RNF8: variants seen among roughly 807,000 people sequenced by gnomAD.
The protein encoded by RNF8 is ring finger protein 8.
In RNF8, 8 loss-of-function variants were observed where a neutral mutation model predicts 59.3. The observed-to-expected ratio is 0.13, with a 90% CI of 0.08 to 0.24. The LOEUF is 0.24. Ranked by LOEUF, RNF8 falls within the 10% of genes least tolerant of loss-of-function variation. The probability of loss-of-function intolerance (pLI) is 1.00; values close to 1 mark genes in which losing one functional copy is unlikely to be tolerated. For synonymous variants in RNF8, 162 were observed against 200.0 expected, an observed-to-expected ratio of 0.81 and a Z score of 1.60; for missense variants, 406 against 572.6, an observed-to-expected ratio of 0.71 and a Z score of 2.97.
chr6:37,381,369 G>A lies in RNF8; in HGVS notation c.1441+15G>A, dbSNP rs1302264486. Reference sequence around the variant, plus strand: ...GGAACGAAAAGGTGAGTGGGTGTGAGAATTCCTACCCCTCAAGAAAGGACT... The same window carrying A: ...GGAACGAAAAGGTGAGTGGGTGTGAAAATTCCTACCCCTCAAGAAAGGACT... On this transcript the variant is annotated intron_variant, in intron 7 of 7. Coordinates refer to ENST00000373479, the MANE Select transcript of RNF8 (RefSeq NM_003958.4). 6.2e-7 allele frequency: 1 copy of A among 1,607,478 alleles called. No individual in the cohort carries two copies. Among genetic ancestry groups the A allele is most frequent in the Non-Finnish European group, 8.5e-7 (1 of 1,174,300 alleles).
At chr6:37,384,175 C>CAGGCTGAA (rs1356120556) in intron 7 of RNF8, among the ~76,000 whole-genome samples, 7 of 149,394 alleles carry the variant, frequency 4.7e-5, no homozygotes. Context: ...CTTTGTTGCC[C>CAGGCTGAA]AGGCTGAAAG....
At chr6:37,375,903 T>G (rs1769994810) in intron 5 of RNF8, among the ~76,000 whole-genome samples, 1 of 152,186 alleles carries the variant, frequency 6.6e-6, no homozygotes, top group Non-Finnish European at 1.5e-5. Context: ...CGTAGGAGCC[T>G]CCTTAAAAAG....
chr6:37,356,820 C>A (rs1424451350), intron 1 of RNF8, among the ~76,000 whole-genome samples: 1 of 152,128 alleles, frequency 6.6e-6, no homozygotes, highest in African/African-American at 2.4e-5. Flanking sequence ...TGTGATCACA[C>A]CTTCACCTCC....
At chr6:37,363,321 G>A (rs1039835826) in intron 2 of RNF8, among the ~76,000 whole-genome samples, 4 of 152,114 alleles carry the variant, frequency 2.6e-5, no homozygotes, top group Non-Finnish European at 4.4e-5. Context: ...CAATAAAAGC[G>A]TTCATTCGTC....
chr6:37,376,903 A>C, intron 5 of RNF8, 23 bp from the exon 6 acceptor site: 1 of 1,552,782 alleles, frequency 6.4e-7, no homozygotes, highest in Middle Eastern at 1.7e-4. Flanking sequence ...TCTGAATGAC[A>C]GGTAGGATTG....
Position 37,360,424 on chromosome 6 carries a change from T to C in RNF8, c.112-22T>C, listed in dbSNP as rs1320891058. The C allele has an allele frequency of 6.3e-7, 1 of 1,597,902 alleles. No individual in the cohort carries two copies. The highest frequency in any genetic ancestry group is 1.7e-5 in the African/African-American group (1 of 60,072). ...TCAGCACAATGACTGATGGTATTTC[T>C]TGCATTGTTGTTGTCTCCCAGGTGA... On this transcript the variant is annotated intron_variant, in intron 1 of 7. Transcript: ENST00000373479. This position sits in a 1 kb window ranked among gnomAD's most constrained non-coding sequence, Gnocchi z 4.2.
At position 37,381,133 on chromosome 6, in the gene RNF8, CCA is replaced by C; in HGVS notation, c.1237-14_1237-13del. The C allele has an allele frequency of 6.2e-7, 1 of 1,603,690 alleles. No homozygotes were observed. The highest frequency in any genetic ancestry group is 8.5e-7 in the Non-Finnish European group (1 of 1,170,648). ...AGCATGAAAGTTCTGATATGTGTGTCCACATTCCTACTGTAGGCTGTCACCTT... is the reference window on the plus strand; with the variant it reads ...AGCATGAAAGTTCTGATATGTGTGTCCATTCCTACTGTAGGCTGTCACCTT... On this transcript the variant is annotated splice_polypyrimidine_tract_variant and intron_variant, in intron 6 of 7. Transcript: ENST00000373479.
rs78314803 is a variant in RNF8 at position 37,355,269 on chromosome 6, T to C, written c.111+994T>C. ...AACCATTTGGGTTTTGGAAATAATCTGTATGAAAAGTTCTCTTTGCAGTAA... is the reference window on the plus strand; with the variant it reads ...AACCATTTGGGTTTTGGAAATAATCCGTATGAAAAGTTCTCTTTGCAGTAA... On this transcript the variant is annotated intron_variant, in intron 1 of 7. Coordinates refer to ENST00000373479, the MANE Select transcript of RNF8 (RefSeq NM_003958.4). 5.3e-4 allele frequency among the ~76,000 whole-genome samples: 80 copies of C among 152,340 alleles called. 1 individual carries two copies. The East Asian group carries it at 0.011, about 22-fold the overall frequency.
At chr6:37,385,830 C>T (rs1391629110) in intron 7 of RNF8, among the ~76,000 whole-genome samples, 1 of 150,042 alleles carries the variant, frequency 6.7e-6, no homozygotes, top group Non-Finnish European at 1.5e-5. Context: ...GTAGTTTTTC[C>T]TCTGTTTAAT....
At position 37,392,433 on chromosome 6, in the gene RNF8, C is replaced by A; in HGVS notation, c.*1675C>A. ...AAATGGCGTAGAATGAAATGCCTCT[C>A]ACCCTTTCCCCACAGCGACTACTTC... On this transcript the variant is annotated 3_prime_UTR_variant, in exon 8 of 8. Transcript: ENST00000373479. 2.5e-6 allele frequency: 1 copy of A among 398,566 alleles called. No individual in the cohort carries two copies. Among genetic ancestry groups the A allele is most frequent in the South Asian group, 1.3e-4 (1 of 7,840 alleles). The allele number at this position is 398,566 out of a possible 1,614,324, so 24.7% of individuals were successfully genotyped here.
chr6:37,362,500 T>C (rs1159311175), intron 2 of RNF8, among the ~76,000 whole-genome samples: 1 of 88,636 alleles, frequency 1.1e-5, no homozygotes, highest in East Asian at 2.7e-4. Context: ...GCTGTGATTG[T>C]TTGTGAGATA....
intron 4 of RNF8, among the ~76,000 whole-genome samples, chr6:37,374,097 G>T (rs1024450319): frequency 1.3e-5 from 2 of 152,188 alleles, no homozygotes; most frequent in Non-Finnish European, 2.9e-5. Context: ...TATGTGATTT[G>T]TAGAACAAAT....
At chr6:37,382,938 A>G (rs1275663949) in intron 7 of RNF8, among the ~76,000 whole-genome samples, 1 of 150,086 alleles carries the variant, frequency 6.7e-6, no homozygotes, top group East Asian at 2.0e-4. Context: ...GCACCACTGC[A>G]CTCCAGCCTG....
At chr6:37,356,201 G>T (rs1460845854) in intron 1 of RNF8, among the ~76,000 whole-genome samples, 1 of 152,196 alleles carries the variant, frequency 6.6e-6, no homozygotes, top group Non-Finnish European at 1.5e-5. Flanking sequence ...AAACTCAGTG[G>T]TAAGACTGTG....
At position 37,390,975 on chromosome 6, in the gene RNF8, C is replaced by T; in HGVS notation, c.*217C>T. 1 of 687,422 alleles carries T rather than the reference C, an allele frequency of 1.5e-6. No homozygotes were observed. The allele number at this position is 687,422 out of a possible 1,614,324, so 42.6% of individuals were successfully genotyped here. A position where few individuals can be genotyped will look rare whatever the true frequency, so the allele number is the denominator to read the frequency against. ...AAGCACCACCAGGATTCACGGCACC[C>T]AACTGCTTCAGGGTACTTCGTAGAC... On this transcript the variant is annotated 3_prime_UTR_variant, in exon 8 of 8. Transcript: ENST00000373479.
At chr6:37,361,082 T>G (rs1394406766) in intron 2 of RNF8, 2 of 354,818 alleles carry the variant, frequency 5.6e-6, no homozygotes, top group African/African-American at 2.1e-5. Flanking sequence ...GAATAATGGG[T>G]TTTTCTCCTT....
chr6:37,359,578 T>A (rs1769239959), intron 1 of RNF8, among the ~76,000 whole-genome samples: 1 of 152,182 alleles, frequency 6.6e-6, no homozygotes, highest in African/African-American at 2.4e-5. Context: ...CAATCTAAGG[T>A]CCTGCGCTTG....
intron 7 of RNF8, among the ~76,000 whole-genome samples, chr6:37,388,102 G>A (rs943477254): frequency 6.6e-6 from 1 of 152,142 alleles, no homozygotes; most frequent in Non-Finnish European, 1.5e-5. Context: ...ACATGGTGCT[G>A]GGAACAAGAA....
chr6:37,359,309 C>G (rs1282148385), intron 1 of RNF8: 7 of 401,784 alleles, frequency 1.7e-5, no homozygotes, highest in Non-Finnish European at 3.4e-5. Context: ...TACTCCAATG[C>G]AAAGACTTTT....
Sources: allele counts gnomAD v4.1 joint callset (sites outside exome capture counted in the v4.1 genomes callset), GRCh38; gene constraint gnomAD v4.1.1; non-coding constraint Gnocchi (gnomAD v3.1); transcripts MANE v1.5; gene names NCBI Gene and HGNC (gene_info 2026-07-23, HGNC 2026-07-21).